Variants in FMO1 observed in about 807,000 individuals in gnomAD.
FMO1 encodes the protein flavin containing dimethylaniline monoxygenase 1.
In FMO1, 36 loss-of-function variants were observed where a neutral mutation model predicts 45.4. The ratio of observed to expected loss-of-function variants is 0.79; its 90% confidence interval spans 0.61 to 1.05. The LOEUF (loss-of-function observed/expected upper bound fraction) is 1.05, where lower values mean the gene tolerates loss of function less well. Among genes scored for constraint, FMO1 ranks in the 50% least tolerant of loss-of-function variants. The pLI is 0.00. For missense variants in FMO1, 615 were observed against 640.3 expected, an observed-to-expected ratio of 0.96 and a Z score of 0.43; for synonymous variants, 228 against 227.2, an observed-to-expected ratio of 1.00 and a Z score of -0.03.
At chr1:171,282,419 G>T (rs760640233) in intron 7 of FMO1, 86 bp downstream of exon 7, 3 of 822,582 alleles carry the variant, frequency 3.6e-6, no homozygotes, top group African/African-American at 3.4e-5. Flanking sequence ...TATTCCTCCT[G>T]CTTCTATTTA....
intron 2 of FMO1, among the ~76,000 whole-genome samples, chr1:171,265,659 T>C (rs1454403402): frequency 1.3e-5 from 2 of 152,230 alleles, no homozygotes; most frequent in Non-Finnish European, 2.9e-5. Context: ...AAATATTTTG[T>C]ATGAAATTGC....
At chr1:171,262,727 AT>A (rs1457131787) in intron 2 of FMO1, among the ~76,000 whole-genome samples, 1 of 152,202 alleles carries the variant, frequency 6.6e-6, no homozygotes, top group Non-Finnish European at 1.5e-5. Flanking sequence ...TTCAATAAAC[AT>A]TTTTAATTAC....
Position 171,274,148 on chromosome 1 carries a change from CAA to C in FMO1, c.322-1181_322-1180del, listed in dbSNP as rs36027678. On this transcript the variant is annotated intron_variant, in intron 3 of 8. Transcript: ENST00000617670. Reference sequence around the variant, plus strand: ...TGGGCAACAGAGCGAGACTCCATCTCAAAAAAAAAAAAAAAAAAGTAAACACA... The same window carrying C: ...TGGGCAACAGAGCGAGACTCCATCTCAAAAAAAAAAAAAAAAGTAAACACA... Among the ~76,000 whole-genome samples, 941 of 96,644 alleles carry C rather than the reference CAA, an allele frequency of 9.7e-3. 10 individuals carry two copies. The highest frequency in any genetic ancestry group is 0.029 in the African/African-American group (872 of 30,288). 63.4% of individuals were successfully genotyped at this position (96,644 alleles called of 152,430 possible). A position where few individuals can be genotyped will look rare whatever the true frequency, so the allele number is the denominator to read the frequency against.
rs535166274 is a variant in FMO1, at chr1:171,271,197, C to A, written c.321+3466C>A. 29 of 866,792 alleles carry A rather than the reference C, an allele frequency of 3.3e-5. No homozygotes were observed. In the South Asian group the frequency reaches 3.9e-4, roughly 12 times the overall value. The allele number at this position is 866,792 out of a possible 1,614,324, so 53.7% of individuals were successfully genotyped here. ...CTTCTGCAGCAGTGTTATTCCACATCTCTCCCAGTTTCTTCACGACATCAC... is the reference window on the plus strand; with the variant it reads ...CTTCTGCAGCAGTGTTATTCCACATATCTCCCAGTTTCTTCACGACATCAC... On this transcript the variant is annotated intron_variant, in intron 3 of 8. Coordinates refer to ENST00000617670, the MANE Select transcript of FMO1 (RefSeq NM_001282693.2).
At chr1:171,274,970 C>T (rs946847309) in intron 3 of FMO1, among the ~76,000 whole-genome samples, 3 of 152,170 alleles carry the variant, frequency 2.0e-5, no homozygotes, top group South Asian at 2.1e-4. Context: ...TTATATCTTA[C>T]CCATGTATCT....
chr1:171,252,506 A>G (rs1185243861), intron 1 of FMO1, among the ~76,000 whole-genome samples: 3 of 152,058 alleles, frequency 2.0e-5, no homozygotes, highest in Non-Finnish European at 2.9e-5. Flanking sequence ...GCCCCCCGCC[A>G]TGCCTCTCCT....
chr1:171,257,985 C>T (rs1455473954), intron 1 of FMO1, 97 bp from the exon 2 acceptor site: 9 of 1,389,924 alleles, frequency 6.5e-6, no homozygotes, highest in African/African-American at 4.3e-5. Context: ...CTGAGCAAAT[C>T]GCCTAATCTT....
chr1:171,254,812 G>C (rs4433435), intron 1 of FMO1, among the ~76,000 whole-genome samples: 75,719 of 152,008 alleles, frequency 0.5, 20,794 homozygotes, highest in African/African-American at 0.75. Context: ...AATAGTAATC[G>C]TCTGTGTTGT....
At chr1:171,263,868 G>A (rs200486741) in intron 2 of FMO1, among the ~76,000 whole-genome samples, 9 of 152,116 alleles carry the variant, frequency 5.9e-5, no homozygotes, top group African/African-American at 2.2e-4. Context: ...ACAGTGAGGC[G>A]AACACTGGAG....
chr1:171,258,137 C>G lies in FMO1; in HGVS notation c.50C>G (p.Ser17Cys). ...IVGAGVSGLA[S>C]IKCCLEEGLE... Reference sequence around the variant, plus strand: ...GGAGCTGGGGTCAGCGGCCTGGCCTCCATCAAGTGCTGTCTGGAAGAAGGA... The same window carrying G: ...GGAGCTGGGGTCAGCGGCCTGGCCTGCATCAAGTGCTGTCTGGAAGAAGGA... Residue 17 changes from serine (S) to cysteine (C), a missense_variant, in exon 2 of 9, where the codon TCC (serine) becomes TGC (cysteine). Ser to Cys is a moderately radical substitution (Grantham distance 112). Coordinates refer to ENST00000617670, the MANE Select transcript of FMO1 (RefSeq NM_001282693.2). 6.2e-7 allele frequency: 1 copy of G among 1,614,142 alleles called. No homozygotes were observed. Among genetic ancestry groups the G allele is most frequent in the Non-Finnish European group, 8.5e-7 (1 of 1,180,012 alleles).
At chr1:171,271,407 T>A (rs906554016) in intron 3 of FMO1, 27 of 1,077,316 alleles carry the variant, frequency 2.5e-5, no homozygotes, top group Non-Finnish European at 3.9e-5. Flanking sequence ...TGCCATATCT[T>A]CAAATTGTCC....
Position 171,281,914 on chromosome 1 carries a change from G to A in FMO1, c.828-64G>A, listed in dbSNP as rs1297558829. 10 of 926,004 alleles carry A rather than the reference G, an allele frequency of 1.1e-5. No individual in the cohort carries two copies. In the Admixed American group the frequency reaches 2.4e-4, roughly 22 times the overall value. The allele number at this position is 926,004 out of a possible 1,614,324, so 57.4% of individuals were successfully genotyped here. A position where few individuals can be genotyped will look rare whatever the true frequency, so the allele number is the denominator to read the frequency against. ...CCCCAGAATGAGAGAGGGAGGTAAAGAGAAGGGAGAGCTGGCTGAATTGTT... is the reference window on the plus strand; with the variant it reads ...CCCCAGAATGAGAGAGGGAGGTAAAAAGAAGGGAGAGCTGGCTGAATTGTT... On this transcript the variant is annotated intron_variant, in intron 6 of 8. Transcript: ENST00000617670.
chr1:171,278,494 ACTAT>A (rs1439576460), intron 4 of FMO1, among the ~76,000 whole-genome samples: 2 of 152,100 alleles, frequency 1.3e-5, no homozygotes, highest in African/African-American at 4.8e-5. Context: ...TCAGTAGTTA[ACTAT>A]CTAGTAAGTA....
chr1:171,275,314 ACTG>A, intron 3 of FMO1, 29 bp from the exon 4 acceptor site: 23 of 1,597,274 alleles, frequency 1.4e-5, no homozygotes, highest in Non-Finnish European at 1.9e-5. Flanking sequence ...AACATTGACA[ACTG>A]CTAATCATAT....
rs1201283017 is a variant in FMO1 at position 171,282,414 on chromosome 1, C to A, written c.1183+81C>A. 7.1e-6 allele frequency: 6 copies of A among 844,576 alleles called. No individual in the cohort carries two copies. The African/African-American group carries it at 8.5e-5, about 12-fold the overall frequency. The allele number at this position is 844,576 out of a possible 1,614,324, so 52.3% of individuals were successfully genotyped here. A position where few individuals can be genotyped will look rare whatever the true frequency, so the allele number is the denominator to read the frequency against. On this transcript the variant is annotated intron_variant, in intron 7 of 8. Transcript: ENST00000617670. ...ACTGGAAATGTTGAGACTATTATTC[C>A]TCCTGCTTCTATTTAAAATAACAGA...
At position 171,283,165 on chromosome 1, in the gene FMO1, C is replaced by T. The variant is rs1661436417; in HGVS notation, c.1205C>T (p.Pro402Leu). 1.5e-5 allele frequency: 23 copies of T among 1,576,068 alleles called. No homozygotes were observed. Among genetic ancestry groups the T allele is most frequent in the Non-Finnish European group, 2.0e-5 (23 of 1,156,484 alleles). ...VLKGVNKLPP[P>L]SVMIEEINAR... ...ACAGGTGTAAATAAGTTACCACCAC[C>T]AAGTGTCATGATAGAGGAAATTAAT... Residue 402 changes from proline to leucine, a missense_variant, in exon 8 of 9, where the codon CCA becomes CTA. Physicochemically the swap from Pro to Leu is moderately conservative, Grantham distance 98. Transcript: ENST00000617670.
intron 1 of FMO1, among the ~76,000 whole-genome samples, chr1:171,257,214 G>A (rs547037067): frequency 4.6e-5 from 7 of 151,918 alleles, no homozygotes; most frequent in Non-Finnish European, 7.4e-5. Context: ...TGATAGAGCC[G>A]CGCTTTATCT....
chr1:171,278,865 G>A lies in FMO1; in HGVS notation c.621G>A (p.Ala207=), dbSNP rs367730433. ...TTGCTGTGGAGGCCAGCCACCTGGC[G>A]GAAAAGGTACATTCCTGATGTTACT... ...TDIAVEASHL[A]EKVFLSTTGG... is the part of the protein sequence containing the mutation. The change falls in exon 5 of 9, where the codon GCG becomes GCA. Residue 207 remains alanine (A), a synonymous_variant. Coordinates refer to ENST00000617670, the MANE Select transcript of FMO1 (RefSeq NM_001282693.2). 3.2e-5 allele frequency: 51 copies of A among 1,610,098 alleles called. No individual in the cohort carries two copies. The highest frequency in any genetic ancestry group is 2.4e-4 in the African/African-American group (18 of 74,916).
At chr1:171,267,254 T>C (rs148736894) in intron 2 of FMO1, among the ~76,000 whole-genome samples, 37 of 152,316 alleles carry the variant, frequency 2.4e-4, no homozygotes, top group African/African-American at 8.9e-4. Context: ...ATTTAGAACG[T>C]TCAGTAGATT....
Sources: allele counts gnomAD v4.1 joint callset (sites outside exome capture counted in the v4.1 genomes callset), GRCh38; gene constraint gnomAD v4.1.1; transcripts MANE v1.5; gene names NCBI Gene and HGNC (gene_info 2026-07-23, HGNC 2026-07-21).